Variants in TCF12 observed in about 807,000 individuals in gnomAD.
TCF12 encodes DNA-binding protein HTF4.
Under a neutral mutation model 86.0 loss-of-function variants are expected in TCF12, and 45 were observed. That is an observed-to-expected ratio of 0.52 (90% CI 0.41 to 0.67). The LOEUF (loss-of-function observed/expected upper bound fraction) is 0.67. Among genes scored for constraint, TCF12 ranks in the 30% least tolerant of loss-of-function variants. The pLI is 0.00. For synonymous variants in TCF12, 330 were observed against 299.6 expected, an observed-to-expected ratio of 1.10 and a Z score of -1.05; for missense variants, 881 against 859.9, an observed-to-expected ratio of 1.02 and a Z score of -0.31.
chr15:57,185,379 C>T (rs1358269737), intron 6 of TCF12, among the ~76,000 whole-genome samples: 1 of 152,102 alleles, frequency 6.6e-6, no homozygotes, highest in Non-Finnish European at 1.5e-5. Context: ...TAGCAGAAGC[C>T]TTAATCAGAG....
intron 5 of TCF12, among the ~76,000 whole-genome samples, chr15:57,101,497 A>G (rs1223134729): frequency 6.6e-6 from 1 of 152,222 alleles, no homozygotes; most frequent in African/African-American, 2.4e-5. Context: ...AGCGTGAGCC[A>G]CCATGCCTGG....
chr15:57,010,739 T>C (rs1173937942), intron 3 of TCF12, among the ~76,000 whole-genome samples: 2 of 152,226 alleles, frequency 1.3e-5, no homozygotes, highest in Admixed American at 6.5e-5. Context: ...GTTTCTGATA[T>C]GACTGATGTG....
chr15:57,049,654 A>G (rs1316894994), intron 3 of TCF12, among the ~76,000 whole-genome samples: 1 of 152,222 alleles, frequency 6.6e-6, no homozygotes, highest in Non-Finnish European at 1.5e-5. Flanking sequence ...TGGCTATTAC[A>G]AATAAAGCTG....
At chr15:57,068,760 G>A (rs762803786) in intron 4 of TCF12, among the ~76,000 whole-genome samples, 3 of 152,100 alleles carry the variant, frequency 2.0e-5, no homozygotes, top group Non-Finnish European at 2.9e-5. Flanking sequence ...GTAATAATAA[G>A]TGATTTGGAA....
chr15:56,939,967 GTT>G (rs67832685), intron 3 of TCF12, among the ~76,000 whole-genome samples: 14,264 of 103,266 alleles, frequency 0.14, 469 homozygotes, highest in Middle Eastern at 0.2. Flanking sequence ...TTAATAGCGT[GTT>G]TTTTTTTTTT....
intron 3 of TCF12, among the ~76,000 whole-genome samples, chr15:57,006,957 A>G (rs147913592): frequency 7.2e-5 from 11 of 152,290 alleles, no homozygotes; most frequent in South Asian, 6.2e-4. Context: ...AGATATGGCA[A>G]TTAACAAGCT....
At chr15:57,016,179 T>C (rs1479542964) in intron 3 of TCF12, among the ~76,000 whole-genome samples, 1 of 152,164 alleles carries the variant, frequency 6.6e-6, no homozygotes, top group African/African-American at 2.4e-5. Context: ...CTGAAATGAT[T>C]AGTGTTAGGA....
intron 3 of TCF12, among the ~76,000 whole-genome samples, chr15:56,990,829 A>G (rs548319941): frequency 6.1e-5 from 9 of 147,508 alleles, no homozygotes; most frequent in Non-Finnish European, 1.0e-4. Flanking sequence ...GTTTTGCTCT[A>G]TCACCTAGGC....
chr15:57,277,158 A>G (rs2152115145), intron 19 of TCF12, among the ~76,000 whole-genome samples: 1 of 152,242 alleles, frequency 6.6e-6, no homozygotes, highest in South Asian at 2.1e-4. Context: ...AAAGATGGAT[A>G]TAGAATGAAG....
intron 3 of TCF12, among the ~76,000 whole-genome samples, chr15:56,984,099 A>G (rs1259345269): frequency 2.7e-5 from 4 of 147,968 alleles, no homozygotes; most frequent in African/African-American, 7.3e-5. Flanking sequence ...ATTCTTGTGA[A>G]GAGAGAAAGA....
intron 6 of TCF12, among the ~76,000 whole-genome samples, chr15:57,182,166 T>C (rs988485139): frequency 6.6e-6 from 1 of 152,178 alleles, no homozygotes; most frequent in Non-Finnish European, 1.5e-5. Flanking sequence ...TAGTAATCAA[T>C]AATGCTTCTC....
At chr15:57,251,322 G>C in intron 13 of TCF12, 28 bp from the exon 14 acceptor site, 1 of 1,598,812 alleles carries the variant, frequency 6.3e-7, no homozygotes, top group Non-Finnish European at 8.6e-7. Flanking sequence ...GTTAACCCAG[G>C]TGTGTGGCTA....
rs564756277 is a variant in TCF12, at chr15:57,232,612, A to G, written c.826-100A>G. ...ACAATAAGTAGTGCTCTTTAGCTGT[A>G]ACTTGTAAATGCTCTTTTTGACCTG... On this transcript the variant is annotated intron_variant, in intron 10 of 20. Coordinates refer to ENST00000333725, the MANE Select transcript of TCF12 (RefSeq NM_207037.2). The G allele has an allele frequency of 1.2e-5, 17 of 1,456,270 alleles. No homozygotes were observed. The East Asian group carries it at 3.7e-4, about 31-fold the overall frequency. 90.2% of individuals were successfully genotyped at this position (1,456,270 alleles called of 1,614,324 possible).
chr15:56,986,258 A>G (rs1278899239), intron 3 of TCF12, among the ~76,000 whole-genome samples: 1 of 152,192 alleles, frequency 6.6e-6, no homozygotes, highest in African/African-American at 2.4e-5. Flanking sequence ...ATTGCTGCTT[A>G]CGTTTCTGGT....
At chr15:57,223,412 G>A (rs952627532) in intron 8 of TCF12, among the ~76,000 whole-genome samples, 10 of 152,046 alleles carry the variant, frequency 6.6e-5, no homozygotes, top group Non-Finnish European at 1.2e-4. Context: ...GAAAGAAAAC[G>A]TAACTGGGAA....
chr15:57,231,344 A>G lies in TCF12; in HGVS notation c.685+87A>G, dbSNP rs1037958. ...TAAAGTATTAGGAAAGAGAATACCTATATTCAGGCCTTATTTAGGCATTTT... is the reference window on the plus strand; with the variant it reads ...TAAAGTATTAGGAAAGAGAATACCTGTATTCAGGCCTTATTTAGGCATTTT... On this transcript the variant is annotated intron_variant, in intron 9 of 20. Coordinates refer to ENST00000333725, the MANE Select transcript of TCF12 (RefSeq NM_207037.2). The G allele has an allele frequency of 0.49, 514,524 of 1,046,164 alleles. 133,391 individuals are homozygous for G. Among genetic ancestry groups the G allele is most frequent in the Non-Finnish European group, 0.54 (373,801 of 690,270 alleles). 64.8% of individuals were successfully genotyped at this position (1,046,164 alleles called of 1,614,324 possible). A position where few individuals can be genotyped will look rare whatever the true frequency, so the allele number is the denominator to read the frequency against.
rs142030442 is a variant in TCF12, at chr15:57,205,593, GTCTCTGACCTTACA to G, written c.579+7769_579+7782del. Reference sequence around the variant, plus strand: ...CAAAATTTCCAAAGTGGCTTATTCAGTCTCTGACCTTACAGGTCAGACTAGCAGAAAAATCTTTG... The same window carrying G: ...CAAAATTTCCAAAGTGGCTTATTCAGGGTCAGACTAGCAGAAAAATCTTTG... On this transcript the variant is annotated intron_variant, in intron 8 of 20. Coordinates refer to ENST00000333725, the MANE Select transcript of TCF12 (RefSeq NM_207037.2). Among the ~76,000 whole-genome samples, 631 of 152,332 alleles carry G rather than the reference GTCTCTGACCTTACA, an allele frequency of 4.1e-3. 4 individuals carry two copies. The highest frequency in any genetic ancestry group is 0.015 in the African/African-American group (614 of 41,574).
intron 5 of TCF12, among the ~76,000 whole-genome samples, chr15:57,156,329 C>G (rs933700384): frequency 6.6e-6 from 1 of 152,202 alleles, no homozygotes; most frequent in Non-Finnish European, 1.5e-5. Context: ...CCCCACCTCA[C>G]TCTATTTTTT....
intron 5 of TCF12, among the ~76,000 whole-genome samples, chr15:57,093,616 T>C (rs1440148456): frequency 6.6e-6 from 1 of 152,204 alleles, no homozygotes; most frequent in African/African-American, 2.4e-5. Context: ...TGTCAGTCAG[T>C]TGCTCTGAGC....
Sources: allele counts gnomAD v4.1 joint callset (sites outside exome capture counted in the v4.1 genomes callset), GRCh38; gene constraint gnomAD v4.1.1; transcripts MANE v1.5; gene names NCBI Gene and HGNC (gene_info 2026-07-23, HGNC 2026-07-21).